The following ARID4B variants were observed in gnomAD, a reference collection of about 807,000 sequenced individuals.
The protein encoded by ARID4B is AT-rich interaction domain 4B.
Under a neutral mutation model 147.5 loss-of-function variants are expected in ARID4B, and 26 were observed. The ratio of observed to expected loss-of-function variants is 0.18; its 90% CI spans 0.13 to 0.24. The LOEUF (loss-of-function observed/expected upper bound fraction) is 0.24, where lower values mean the gene tolerates loss of function less well. ARID4B is among the 10% of genes least tolerant of loss of function. ARID4B has a pLI of 1.00. For synonymous variants in ARID4B, 512 were observed against 507.9 expected, an observed-to-expected ratio of 1.01 and a Z score of -0.11; for missense variants, 1,179 against 1,511.5, an observed-to-expected ratio of 0.78 and a Z score of 3.65.
intron 17 of ARID4B, among the ~76,000 whole-genome samples, chr1:235,209,301 T>C (rs368945766): frequency 6.6e-6 from 1 of 152,086 alleles, no homozygotes; most frequent in African/African-American, 2.4e-5. Context: ...TGAAACCCCA[T>C]CTCTACTAAA....
intron 8 of ARID4B, among the ~76,000 whole-genome samples, chr1:235,237,558 A>C (rs1668685732): frequency 6.6e-6 from 1 of 152,260 alleles, no homozygotes; most frequent in Non-Finnish European, 1.5e-5. Flanking sequence ...TAAAGAAATA[A>C]GACATGTTGA....
intron 11 of ARID4B, among the ~76,000 whole-genome samples, chr1:235,225,841 T>C (rs74898006): frequency 6.6e-6 from 1 of 150,678 alleles, no homozygotes; most frequent in East Asian, 1.9e-4. Context: ...AGAAAGGTAA[T>C]TTTTTTTTTA....
intron 17 of ARID4B, among the ~76,000 whole-genome samples, chr1:235,213,430 T>C (rs1292302716): frequency 6.6e-6 from 1 of 152,206 alleles, no homozygotes; most frequent in African/African-American, 2.4e-5. Context: ...GGCAATGTAG[T>C]TTAAAATGCA....
In ARID4B at chr1:235,238,995, T is replaced by C. The variant is rs1164219702; in HGVS notation, c.585+1318A>G. Among the ~76,000 whole-genome samples, 15 of 151,928 alleles carry C rather than the reference T, an allele frequency of 9.9e-5. No individual in the cohort carries two copies. In the South Asian group the frequency reaches 2.3e-3, roughly 23 times the overall value. On this transcript the variant is annotated intron_variant, in intron 8 of 23. Coordinates refer to ENST00000264183, the MANE Select transcript of ARID4B (RefSeq NM_016374.6). ...ATTCTTTTTTTTTCTTCTTTTTTTT[T>C]TTTTTGAGAGGGAATCTTGCTCTGT...
In ARID4B at chr1:235,245,384, T is replaced by G. The variant is rs1669236118; in HGVS notation, c.446+1036A>C. On this transcript the variant is annotated intron_variant, in intron 7 of 23. Coordinates refer to ENST00000264183, the MANE Select transcript of ARID4B (RefSeq NM_016374.6). ...CATAATTTTTAGTCACATTTGCAGG[T>G]CAATATTACGTGATATTGCACAATA... is the stretch of plus-strand genomic sequence containing the variant. 2.0e-5 allele frequency among the ~76,000 whole-genome samples: 3 copies of G among 152,144 alleles called. No individual in the cohort carries two copies. In the South Asian group the frequency reaches 6.2e-4, roughly 31 times the overall value.
At chr1:235,294,311 AT>A (rs5781824) in intron 2 of ARID4B, among the ~76,000 whole-genome samples, 214 of 114,098 alleles carry the variant, frequency 1.9e-3, no homozygotes, top group African/African-American at 5.3e-3. Flanking sequence ...AACCAGCAGC[AT>A]TTTTTTTTTT....
intron 4 of ARID4B, 107 bp downstream of exon 4, chr1:235,257,053 C>T: frequency 1.3e-6 from 1 of 775,824 alleles, no homozygotes; most frequent in Non-Finnish European, 2.2e-6. Context: ...GAGAAAATTA[C>T]ATATTGAATT....
chr1:235,278,662 T>C (rs189356962), intron 2 of ARID4B, among the ~76,000 whole-genome samples: 106 of 152,260 alleles, frequency 7.0e-4, no homozygotes, highest in African/African-American at 2.3e-3. Context: ...AGTAAGTATT[T>C]CTTATGTTGA....
chr1:235,255,267 A>AGATAGATCTATCTATC (rs1553304359), intron 5 of ARID4B, among the ~76,000 whole-genome samples: 15 of 137,246 alleles, frequency 1.1e-4, no homozygotes, highest in Admixed American at 1.5e-4. Context: ...AGATAGATAT[A>AGATAGATCTATCTATC]TATCTCTCTC....
At chr1:235,176,028 T>C (rs1663841735) in intron 21 of ARID4B, among the ~76,000 whole-genome samples, 1 of 152,170 alleles carries the variant, frequency 6.6e-6, no homozygotes, top group South Asian at 2.1e-4. Flanking sequence ...ACTTCAGCAC[T>C]AAAATGGAAA....
At chr1:235,203,819 T>C (rs1260282757) in intron 17 of ARID4B, among the ~76,000 whole-genome samples, 2 of 152,140 alleles carry the variant, frequency 1.3e-5, no homozygotes, top group African/African-American at 4.8e-5. Context: ...CAAGTCAAGA[T>C]AAAAAGCAGT....
At chr1:235,249,374 C>G (rs1033599530) in intron 6 of ARID4B, among the ~76,000 whole-genome samples, 2 of 152,116 alleles carry the variant, frequency 1.3e-5, no homozygotes, top group Admixed American at 6.5e-5. Context: ...GATGAATCTA[C>G]TTTTGTATAA....
Position 235,182,298 on chromosome 1 carries a change from G to C in ARID4B, c.2621C>G (p.Thr874Arg). ...CAAACCATTGTATTTCTTAGTTGGTGTCATCTTTGCTTTTGTTTCTTCTTC... is the reference window on the plus strand; with the variant it reads ...CAAACCATTGTATTTCTTAGTTGGTCTCATCTTTGCTTTTGTTTCTTCTTC... ...EDEEETKAKM[T>R]PTKKYNGLEE... is the part of the protein sequence containing the mutation. The change falls in exon 20 of 24, where the codon ACA (threonine) becomes AGA (arginine). Residue 874 changes from threonine to arginine, a missense_variant. Around this residue, in one of 10 missense-constraint regions of ARID4B, gnomAD observed 321 missense variants for 342.4 expected, o/e 0.94. Coordinates refer to ENST00000264183, the MANE Select transcript of ARID4B (RefSeq NM_016374.6). The C allele has an allele frequency of 6.2e-7, 1 of 1,613,930 alleles. No homozygotes were observed. The highest frequency in any genetic ancestry group is 1.1e-5 in the South Asian group (1 of 91,034).
intron 17 of ARID4B, among the ~76,000 whole-genome samples, chr1:235,209,525 T>C (rs1234729651): frequency 6.6e-6 from 1 of 151,512 alleles, no homozygotes; most frequent in Non-Finnish European, 1.5e-5. Flanking sequence ...AAAAGAAAAA[T>C]GTAAAAATTA....
intron 9 of ARID4B, 39 bp from the exon 10 acceptor site, chr1:235,231,228 C>T: frequency 9.5e-7 from 1 of 1,054,716 alleles, no homozygotes; most frequent in Middle Eastern, 3.0e-4. Context: ...GAAAAAAAAC[C>T]CAAAATATGA....
At chr1:235,304,831 T>C (rs1316425604) in intron 2 of ARID4B, among the ~76,000 whole-genome samples, 1 of 152,204 alleles carries the variant, frequency 6.6e-6, no homozygotes, top group East Asian at 1.9e-4. Flanking sequence ...TCTGTATTAG[T>C]ACGTAATTTC....
At position 235,177,923 on chromosome 1, in the gene ARID4B, G is replaced by A. The variant is rs943935092; in HGVS notation, c.3335-10C>T. ...TTCTGACCTGTACAGGCTATGAAGGGAAAGGAATTAAGTAACACAAAATAA... is the reference window on the plus strand; with the variant it reads ...TTCTGACCTGTACAGGCTATGAAGGAAAAGGAATTAAGTAACACAAAATAA... On this transcript the variant is annotated splice_polypyrimidine_tract_variant and intron_variant, in intron 20 of 23. Coordinates refer to ENST00000264183, the MANE Select transcript of ARID4B (RefSeq NM_016374.6). 4.0e-6 allele frequency: 6 copies of A among 1,494,858 alleles called. No individual in the cohort carries two copies. Among genetic ancestry groups the A allele is most frequent in the Admixed American group, 4.2e-5 (2 of 47,114 alleles). The allele number at this position is 1,494,858 out of a possible 1,614,324, so 92.6% of individuals were successfully genotyped here.
At chr1:235,324,981 C>G (rs1675117760) in intron 2 of ARID4B, among the ~76,000 whole-genome samples, 1 of 152,148 alleles carries the variant, frequency 6.6e-6, no homozygotes, top group Admixed American at 6.5e-5. Flanking sequence ...GCCTAATACA[C>G]TCAACATTAA....
chr1:235,246,632 G>C, intron 6 of ARID4B, 121 bp from the exon 7 acceptor site: 1 of 638,066 alleles, frequency 1.6e-6, no homozygotes, highest in Non-Finnish European at 2.7e-6. Context: ...CCCCAGGGAA[G>C]CTAAAACACA....
Sources: allele counts gnomAD v4.1 joint callset (sites outside exome capture counted in the v4.1 genomes callset), GRCh38; gene constraint gnomAD v4.1.1; regional missense constraint gnomAD v4.1.1; transcripts MANE v1.5; gene names NCBI Gene and HGNC (gene_info 2026-07-23, HGNC 2026-07-21).